AGMO: variants seen among roughly 807,000 people sequenced by gnomAD.
The protein encoded by AGMO is glyceryl-ether monooxygenase.
In AGMO, 75 loss-of-function variants were observed where a neutral mutation model predicts 60.2. That is an observed-to-expected ratio of 1.25 (90% confidence interval 1.03 to 1.51). The LOEUF is 1.51. Among genes scored for constraint, AGMO ranks in the 40% most tolerant of loss-of-function variants. The probability of loss-of-function intolerance (pLI) is 0.00; values close to 1 mark genes in which losing one functional copy is unlikely to be tolerated. For missense variants in AGMO, 763 were observed against 525.5 expected, an observed-to-expected ratio of 1.45 and a Z score of -4.42; for synonymous variants, 261 against 177.1, an observed-to-expected ratio of 1.47 and a Z score of -3.76.
At chr7:15,441,134 T>G (rs1268415456) in intron 3 of AGMO, among the ~76,000 whole-genome samples, 1 of 152,208 alleles carries the variant, frequency 6.6e-6, no homozygotes, top group Non-Finnish European at 1.5e-5. Flanking sequence ...AGTATGAATA[T>G]TGGAATTTCC....
chr7:15,497,841 G>A (rs16878504), intron 3 of AGMO, among the ~76,000 whole-genome samples: 1 of 151,998 alleles, frequency 6.6e-6, no homozygotes, highest in African/African-American at 2.4e-5. Flanking sequence ...GGTTGGATAA[G>A]CTGAATTTGA....
intron 12 of AGMO, among the ~76,000 whole-genome samples, chr7:15,294,621 A>C (rs1467049335): frequency 2.0e-5 from 3 of 152,002 alleles, no homozygotes; most frequent in Non-Finnish European, 2.9e-5. Flanking sequence ...ATTTAAGATA[A>C]AGATAATTTG....
the AGMO span, among the ~76,000 whole-genome samples, chr7:15,132,997 C>G: frequency 2.6e-5 from 4 of 152,102 alleles, no homozygotes; most frequent in Non-Finnish European, 2.9e-5. Context: ...TTGACAGAAC[C>G]ATTTCACTAT....
intron 10 of AGMO, among the ~76,000 whole-genome samples, chr7:15,384,718 T>C (rs1475627995): frequency 6.6e-6 from 1 of 152,058 alleles, no homozygotes; most frequent in Non-Finnish European, 1.5e-5. Flanking sequence ...TTCACCTACT[T>C]ACAATTTAGT....
chr7:15,468,915 C>A (rs1417270944), intron 3 of AGMO, among the ~76,000 whole-genome samples: 1 of 151,718 alleles, frequency 6.6e-6, no homozygotes, highest in African/African-American at 2.4e-5. Flanking sequence ...TTTCCAATAT[C>A]TACTTTTATA....
the AGMO span, among the ~76,000 whole-genome samples, chr7:15,156,794 C>T: frequency 6.6e-6 from 1 of 152,154 alleles, no homozygotes; most frequent in South Asian, 2.1e-4. Flanking sequence ...GTGCACCAAT[C>T]TATTTCATGG....
intron 12 of AGMO, among the ~76,000 whole-genome samples, chr7:15,355,401 G>A (rs1034829591): frequency 2.7e-5 from 4 of 150,292 alleles, no homozygotes; most frequent in African/African-American, 7.4e-5. Context: ...TACTCGGGAG[G>A]CTGAGGAAGG....
intron 10 of AGMO, among the ~76,000 whole-genome samples, chr7:15,367,009 G>C (rs62452361): frequency 0.036 from 5,439 of 152,094 alleles, 109 homozygotes; most frequent in Admixed American, 0.053. Flanking sequence ...TCTAATTTAA[G>C]TACATGTACG....
At chr7:15,212,949 T>C (rs149101473) in intron 12 of AGMO, among the ~76,000 whole-genome samples, 161 of 152,118 alleles carry the variant, frequency 1.1e-3, no homozygotes, top group Middle Eastern at 6.8e-3. Flanking sequence ...GTAGTTTCAA[T>C]TGATTATATT....
At chr7:15,377,991 G>C (rs1394364009) in intron 10 of AGMO, among the ~76,000 whole-genome samples, 1 of 151,940 alleles carries the variant, frequency 6.6e-6, no homozygotes, top group Non-Finnish European at 1.5e-5. Flanking sequence ...AATAAACCTG[G>C]TACACTATGC....
chr7:15,347,768 G>A (rs1050444135), intron 12 of AGMO, among the ~76,000 whole-genome samples: 2 of 151,952 alleles, frequency 1.3e-5, no homozygotes, highest in African/African-American at 4.8e-5. Flanking sequence ...GCAAAGTATA[G>A]ACAAGTGTTG....
chr7:15,471,276 C>T (rs960801562), intron 3 of AGMO, among the ~76,000 whole-genome samples: 4 of 151,926 alleles, frequency 2.6e-5, no homozygotes, highest in Non-Finnish European at 5.9e-5. Context: ...AGGTAATACT[C>T]TGAAGTATAG....
intron 3 of AGMO, among the ~76,000 whole-genome samples, chr7:15,443,390 C>G (rs1005830646): frequency 4.6e-5 from 7 of 152,204 alleles, no homozygotes; most frequent in African/African-American, 1.4e-4. Flanking sequence ...AAGCAAGCCA[C>G]GCCCATCTCA....
chr7:15,542,461 G>C (rs1784654657), intron 3 of AGMO, among the ~76,000 whole-genome samples: 1 of 152,092 alleles, frequency 6.6e-6, no homozygotes, highest in South Asian at 2.1e-4. Flanking sequence ...ATTTTTAATA[G>C]TTTTATATTG....
chr7:15,302,508 C>A (rs1481870068), intron 12 of AGMO, among the ~76,000 whole-genome samples: 2 of 152,024 alleles, frequency 1.3e-5, no homozygotes, highest in African/African-American at 4.8e-5. Flanking sequence ...TAAGAACAAA[C>A]TTCAAAATAT....
intron 12 of AGMO, among the ~76,000 whole-genome samples, chr7:15,238,434 G>A (rs953983578): frequency 5.3e-5 from 8 of 151,654 alleles, no homozygotes; most frequent in African/African-American, 7.3e-5. Flanking sequence ...TTCCCAACAC[G>A]AAGAAAATAA....
chr7:15,362,816 C>T lies in AGMO; in HGVS notation c.1263+2698G>A, dbSNP rs138273921. 4.3e-3 allele frequency among the ~76,000 whole-genome samples: 661 copies of T among 152,280 alleles called. 2 individuals carry two copies. The highest frequency in any genetic ancestry group is 0.015 in the African/African-American group (628 of 41,546). ...ATTGATAAGACATTTTACTATAGCT[C>T]TTTACATTTTCCAAGCTACTTTTGC... On this transcript the variant is annotated intron_variant, in intron 12 of 12. Coordinates refer to ENST00000342526, the MANE Select transcript of AGMO (RefSeq NM_001004320.2).
chr7:15,278,780 C>T (rs1407018730), intron 12 of AGMO, among the ~76,000 whole-genome samples: 1 of 152,188 alleles, frequency 6.6e-6, no homozygotes, highest in Non-Finnish European at 1.5e-5. Context: ...GTGGCAATTG[C>T]TGTGGCAGCC....
intron 12 of AGMO, among the ~76,000 whole-genome samples, chr7:15,348,515 T>C (rs1368123805): frequency 1.3e-5 from 2 of 152,096 alleles, no homozygotes; most frequent in African/African-American, 4.8e-5. Flanking sequence ...TTAAATGCCT[T>C]GGAATATCCA....
Sources: gnomAD v4.1 joint callset for allele counts (sites outside exome capture counted in the v4.1 genomes callset) on GRCh38, gnomAD v4.1.1 for gene constraint, MANE v1.5 for transcripts, NCBI Gene and HGNC (gene_info 2026-07-23, HGNC 2026-07-21) for gene names.